Variants in INPP5D observed in about 807,000 individuals in gnomAD.
INPP5D encodes phosphatidylinositol 3,4,5-trisphosphate 5-phosphatase 1.
In INPP5D, 33 loss-of-function variants were observed where a neutral mutation model predicts 122.9. The observed-to-expected ratio is 0.27, with a 90% CI of 0.20 to 0.36. The LOEUF is 0.36. Among genes scored for constraint, INPP5D ranks in the 10% least tolerant of loss-of-function variants. The pLI, the probability that INPP5D is intolerant of heterozygous loss-of-function variation, is 1.00. For synonymous variants in INPP5D, 584 were observed against 576.2 expected (o/e 1.01, Z -0.19); for missense variants, 1,053 against 1,412.7 (o/e 0.75, Z 4.08).
Position 233,102,615 on chromosome 2 carries a change from G to A in INPP5D, c.199-19492G>A, listed in dbSNP as rs1277686350. Among the ~76,000 whole-genome samples the A allele has an allele frequency of 5.3e-5, 8 of 151,578 alleles. 1 individual carries two copies. The highest frequency in any genetic ancestry group is 2.0e-4 in the East Asian group (1 of 5,126). The stretch of plus-strand genomic sequence containing the variant: ...TGTAATCCCAGCACTTTGAGAGGCC[G>A]AGGCGGGCAGATCACAAGGTCAGGA... On this transcript the variant is annotated intron_variant, in intron 2 of 26. Coordinates refer to ENST00000445964, the MANE Select transcript of INPP5D (RefSeq NM_001017915.3).
rs1317007254 is a variant in INPP5D, at chr2:233,097,910, A to T, written c.198+18512A>T. ...TCATTTCTTTTTTTTTTTTTGAGAC[A>T]GAGTCTCACTCTGTCGCCTAGGCTG... On this transcript the variant is annotated intron_variant, in intron 2 of 26. Coordinates refer to ENST00000445964, the MANE Select transcript of INPP5D (RefSeq NM_001017915.3). Among the ~76,000 whole-genome samples, 5 of 150,750 alleles carry T rather than the reference A, an allele frequency of 3.3e-5. No individual in the cohort carries two copies. In the South Asian group the frequency reaches 1.0e-3, roughly 32 times the overall value.
rs1292573404 is a variant in INPP5D at position 233,182,642 on chromosome 2, AT to A, written c.2161+144del. Reference sequence around the variant, plus strand: ...GTCCACAATATCAGTCAGTTTCTTCATGTCCCAGCCACAGCACAATTGCAGT... The same window carrying A: ...GTCCACAATATCAGTCAGTTTCTTCAGTCCCAGCCACAGCACAATTGCAGT... On this transcript the variant is annotated intron_variant, in intron 19 of 26. Transcript: ENST00000445964. 6.0e-6 allele frequency: 8 copies of A among 1,329,254 alleles called. No individual in the cohort carries two copies. The East Asian group carries it at 2.2e-4, about 37-fold the overall frequency. 82.3% of individuals were successfully genotyped at this position (1,329,254 alleles called of 1,614,324 possible).
At chr2:233,185,985 C>A in intron 21 of INPP5D, 60 bp downstream of exon 21, 1 of 1,492,548 alleles carries the variant, frequency 6.7e-7, no homozygotes, top group Non-Finnish European at 9.0e-7. Flanking sequence ...CCAGTAGTAC[C>A]AGCCAGTGGC....
chr2:233,069,517 A>G (rs1444382680), intron 1 of INPP5D, among the ~76,000 whole-genome samples: 1 of 152,208 alleles, frequency 6.6e-6, no homozygotes, highest in East Asian at 1.9e-4. Flanking sequence ...TTGTATATAC[A>G]TGTATTACAT....
In INPP5D at chr2:233,170,538, G is replaced by T. The variant is rs754601445; in HGVS notation, c.1834G>T (p.Ala612Ser). 1 of 1,613,662 alleles carries T rather than the reference G, an allele frequency of 6.2e-7. No individual in the cohort carries two copies. The highest frequency in any genetic ancestry group is 1.1e-5 in the South Asian group (1 of 91,074). The stretch of plus-strand genomic sequence containing the variant: ...CCAGAAAATCAAGCAGCAGCAGTAC[G>T]CAGACCTCCTGTCCCACGACCAGCT... ...IIQKIKQQQY[A>S]DLLSHDQLLT... The change falls in exon 16 of 27, where the codon GCA (alanine) becomes TCA (serine). Residue 612 changes from alanine to serine, a missense_variant. By Grantham distance (99) the Ala-to-Ser change is moderately conservative. This residue lies in a region of INPP5D where 258 missense variants were observed against 439.1 expected (regional missense o/e 0.59). Transcript: ENST00000445964. This position sits in a 1 kb window ranked among gnomAD's most constrained non-coding sequence, Gnocchi z 4.5.
intron 8 of INPP5D, among the ~76,000 whole-genome samples, 164 bp downstream of exon 8, chr2:233,146,602 G>A (rs571555446): frequency 3.9e-5 from 6 of 152,310 alleles, no homozygotes; most frequent in African/African-American, 1.2e-4. Flanking sequence ...CTGTGATGGC[G>A]GTTCAACGTC....
intron 2 of INPP5D, among the ~76,000 whole-genome samples, chr2:233,101,207 T>C (rs899924615): frequency 5.3e-5 from 8 of 152,144 alleles, no homozygotes; most frequent in African/African-American, 1.7e-4. Context: ...TGATTTGTAG[T>C]GTTTGCCTAT....
At chr2:233,173,632 GT>G (rs932394680) in intron 17 of INPP5D, among the ~76,000 whole-genome samples, 1 of 151,420 alleles carries the variant, frequency 6.6e-6, no homozygotes, top group Non-Finnish European at 1.5e-5. Context: ...TGACTTTTTT[GT>G]TGAAAATTAA....
At chr2:233,184,639 A>AG in intron 20 of INPP5D, 118 bp downstream of exon 20, 1 of 1,405,682 alleles carries the variant, frequency 7.1e-7, no homozygotes, top group Non-Finnish European at 9.6e-7. Flanking sequence ...CACGAAGCTG[A>AG]TCAGAGAAGT....
At chr2:233,066,611 A>T (rs1691235071) in intron 1 of INPP5D, among the ~76,000 whole-genome samples, 1 of 151,342 alleles carries the variant, frequency 6.6e-6, no homozygotes, top group African/African-American at 2.4e-5. Flanking sequence ...TACAATTCTT[A>T]ATTTTCTTTT....
At chr2:233,139,724 A>G in intron 5 of INPP5D, 118 bp from the exon 6 acceptor site, 1 of 392,590 alleles carries the variant, frequency 2.5e-6, no homozygotes, top group Non-Finnish European at 4.5e-6. Flanking sequence ...TCTGGGGAGA[A>G]TTACCTGCTT....
intron 21 of INPP5D, 49 bp downstream of exon 21, chr2:233,185,974 G>A (rs1185677728): frequency 2.0e-6 from 3 of 1,530,776 alleles, no homozygotes; most frequent in Admixed American, 2.0e-5. Context: ...CATTTACTAG[G>A]CCAGTAGTAC....
Position 233,189,366 on chromosome 2 carries a change from CAG to C in INPP5D, c.2359-483_2359-482del, listed in dbSNP as rs1694994434. Among the ~76,000 whole-genome samples, 1 of 152,252 alleles carries C rather than the reference CAG, an allele frequency of 6.6e-6. No homozygotes were observed. On this transcript the variant is annotated intron_variant, in intron 21 of 26. Coordinates refer to ENST00000445964, the MANE Select transcript of INPP5D (RefSeq NM_001017915.3). The surrounding 1 kb of genome is among the most constrained non-coding windows in gnomAD (Gnocchi z 5.6). ...CCTCCCTAGATAGGGGCAAGCCAGA[CAG>C]GGGCAGGGCTGGGATGCAGCCACAG...
chr2:233,087,100 T>C (rs571325536), intron 2 of INPP5D, among the ~76,000 whole-genome samples: 2 of 152,324 alleles, frequency 1.3e-5, no homozygotes, highest in South Asian at 4.1e-4. Context: ...GCTTCTCATC[T>C]TGACTTTGCC....
At chr2:233,130,443 C>T (rs369348674) in intron 4 of INPP5D, 65 bp from the exon 5 acceptor site, 16 of 1,546,430 alleles carry the variant, frequency 1.0e-5, no homozygotes, top group Non-Finnish European at 1.2e-5. Context: ...GGTTGCTGTT[C>T]CCATTGGTGA....
rs866770380 is a variant in INPP5D at position 233,193,927 on chromosome 2, G to A, written c.2562G>A (p.Gln854=). Residue 854 remains glutamine (Q), a synonymous_variant, in exon 23 of 27, where the codon CAG becomes CAA. Coordinates refer to ENST00000445964, the MANE Select transcript of INPP5D (RefSeq NM_001017915.3). ...ACTTCCAGGGGGAGATCAAGCTGCA[G>A]ACCTCTCAGGGCAAGACGAGGGAGA... ...TGHFQGEIKL[Q]TSQGKTREKL... 20 of 1,612,810 alleles carry A rather than the reference G, an allele frequency of 1.2e-5. No homozygotes were observed. The highest frequency in any genetic ancestry group is 1.7e-4 in the Middle Eastern group (1 of 6,014).
At chr2:233,124,248 G>C (rs576669620) in intron 3 of INPP5D, among the ~76,000 whole-genome samples, 4 of 152,160 alleles carry the variant, frequency 2.6e-5, no homozygotes, top group Non-Finnish European at 5.9e-5. Flanking sequence ...TCCCCGAAGA[G>C]AGGAGAGATT....
intron 26 of INPP5D, chr2:233,205,423 G>A (rs1231277957): frequency 6.6e-6 from 1 of 151,582 alleles, no homozygotes; most frequent in Middle Eastern, 3.4e-3. Flanking sequence ...GTCCAGTGGT[G>A]TGATCTCGGC....
In INPP5D at chr2:233,137,832, C is replaced by CA. The variant is rs746005379; in HGVS notation, c.666-1988dup. 1.1e-3 allele frequency among the ~76,000 whole-genome samples: 11 copies of CA among 10,150 alleles called. 1 individual carries two copies. The highest frequency in any genetic ancestry group is 2.9e-3 in the East Asian group (1 of 348). The allele number at this position is 10,150 out of a possible 152,430, so 6.7% of individuals were successfully genotyped here. A position where few individuals can be genotyped will look rare whatever the true frequency, so the allele number is the denominator to read the frequency against. The stretch of plus-strand genomic sequence containing the variant: ...GGGCAACAAGAGCGAAACTCCATCA[C>CA]AAAAAAAAAAAAAAAAAAAAAATAT... On this transcript the variant is annotated intron_variant, in intron 5 of 26. Coordinates refer to ENST00000445964, the MANE Select transcript of INPP5D (RefSeq NM_001017915.3).
Sources: gnomAD v4.1 joint callset for allele counts (sites outside exome capture counted in the v4.1 genomes callset) on GRCh38, gnomAD v4.1.1 for gene constraint, gnomAD v4.1.1 regional missense constraint, Gnocchi (gnomAD v3.1) non-coding constraint, MANE v1.5 for transcripts, NCBI Gene and HGNC (gene_info 2026-07-23, HGNC 2026-07-21) for gene names.